Variants in GRM7 observed in about 807,000 individuals in gnomAD.
The protein encoded by GRM7 is glutamate metabotropic receptor 7, also known as metabotropic glutamate receptor 7.
Under a neutral mutation model 84.5 loss-of-function variants are expected in GRM7, and 35 were observed. The ratio of observed to expected loss-of-function variants is 0.41; its 90% confidence interval spans 0.32 to 0.55. The LOEUF (loss-of-function observed/expected upper bound fraction) is 0.55, where lower values mean the gene tolerates loss of function less well. Ranked by LOEUF, GRM7 falls within the 20% of genes least tolerant of loss-of-function variation. The pLI is 0.19. For missense variants in GRM7, 1,003 were observed against 1,194.6 expected, an observed-to-expected ratio of 0.84 and a Z score of 2.36; for synonymous variants, 487 against 455.1, an observed-to-expected ratio of 1.07 and a Z score of -0.89.
At chr3:7,738,472 T>A (rs1702577405) in intron 9 of GRM7, among the ~76,000 whole-genome samples, 1 of 152,188 alleles carries the variant, frequency 6.6e-6, no homozygotes. Flanking sequence ...CCAATTTTTT[T>A]AAACATAACC....
intron 8 of GRM7, among the ~76,000 whole-genome samples, chr3:7,632,857 G>A (rs146643237): frequency 2.5e-4 from 38 of 152,132 alleles, no homozygotes; most frequent in Non-Finnish European, 4.9e-4. Flanking sequence ...AAAGATTTCA[G>A]TGCATCTTTA....
chr3:7,722,889 A>C (rs1702000929), intron 9 of GRM7, among the ~76,000 whole-genome samples: 1 of 152,222 alleles, frequency 6.6e-6, no homozygotes, highest in Non-Finnish European at 1.5e-5. Context: ...TGACAGTATT[A>C]ATTCTTGGTG....
At chr3:7,573,703 G>T (rs1694821013) in intron 7 of GRM7, among the ~76,000 whole-genome samples, 3 of 152,138 alleles carry the variant, frequency 2.0e-5, no homozygotes, top group Admixed American at 6.5e-5. Flanking sequence ...CTTTTTCTCT[G>T]TTTCTGTCTG....
At chr3:7,116,946 T>C (rs1192180815) in intron 1 of GRM7, among the ~76,000 whole-genome samples, 1 of 152,180 alleles carries the variant, frequency 6.6e-6, no homozygotes, top group Non-Finnish European at 1.5e-5. Flanking sequence ...TGTATAAAAT[T>C]AGAGCTTAAA....
intron 1 of GRM7, among the ~76,000 whole-genome samples, chr3:6,960,223 C>A (rs939313008): frequency 3.3e-5 from 5 of 152,154 alleles, no homozygotes; most frequent in Admixed American, 2.6e-4. Context: ...TTCCCGACCT[C>A]TTTCCAGTGT....
At chr3:7,726,620 T>C (rs1702139794) in intron 9 of GRM7, among the ~76,000 whole-genome samples, 1 of 20,880 alleles carries the variant, frequency 4.8e-5, no homozygotes, top group Non-Finnish European at 1.0e-4. Context: ...CCTCTATATA[T>C]ATATATATAT....
chr3:7,662,203 A>G (rs538831339), intron 8 of GRM7, among the ~76,000 whole-genome samples: 37 of 152,374 alleles, frequency 2.4e-4, no homozygotes, highest in African/African-American at 8.4e-4. Context: ...AAAACAGAAA[A>G]GAATTTGCAG....
intron 2 of GRM7, among the ~76,000 whole-genome samples, chr3:7,265,986 T>C (rs1046804326): frequency 1.3e-5 from 2 of 152,142 alleles, no homozygotes; most frequent in African/African-American, 4.8e-5. Flanking sequence ...TGGTCAGTGC[T>C]GGGCACAGGC....
intron 4 of GRM7, among the ~76,000 whole-genome samples, chr3:7,390,358 G>A (rs1240296299): frequency 1.3e-5 from 2 of 152,020 alleles, no homozygotes; most frequent in Non-Finnish European, 1.5e-5. Flanking sequence ...TCTCACAGGG[G>A]TTCTCTGGAT....
chr3:6,911,781 A>C (rs1030736905), intron 1 of GRM7, among the ~76,000 whole-genome samples: 2 of 152,212 alleles, frequency 1.3e-5, no homozygotes, highest in African/African-American at 4.8e-5. Flanking sequence ...AGTTTTATTT[A>C]AGCGAAGAGT....
intron 1 of GRM7, among the ~76,000 whole-genome samples, chr3:7,085,556 G>C (rs770811681): frequency 3.3e-5 from 5 of 152,076 alleles, no homozygotes; most frequent in African/African-American, 4.8e-5. Context: ...AACTAAGAAG[G>C]AAGAGTTGGA....
At chr3:7,652,020 A>T (rs1698963419) in intron 8 of GRM7, among the ~76,000 whole-genome samples, 1 of 152,196 alleles carries the variant, frequency 6.6e-6, no homozygotes, top group African/African-American at 2.4e-5. Flanking sequence ...ATTTTGACCA[A>T]CATTTGGGGG....
chr3:7,032,089 C>T (rs1322766238), intron 1 of GRM7, among the ~76,000 whole-genome samples: 3 of 152,210 alleles, frequency 2.0e-5, no homozygotes, highest in Admixed American at 6.5e-5. Flanking sequence ...ACGTCAAAGA[C>T]ATCTCACATA....
chr3:7,503,583 G>C (rs1450098), intron 7 of GRM7, among the ~76,000 whole-genome samples: 86,493 of 151,892 alleles, frequency 0.57, 24,993 homozygotes, highest in East Asian at 0.74. Context: ...TAATCATTCA[G>C]TACAGAGTGG....
intron 1 of GRM7, among the ~76,000 whole-genome samples, chr3:7,133,464 A>G (rs1488712718): frequency 6.6e-6 from 1 of 152,192 alleles, no homozygotes; most frequent in Non-Finnish European, 1.5e-5. Context: ...CACAGAGCCT[A>G]CATTGCCCTG....
chr3:7,085,170 G>A (rs1002770797), intron 1 of GRM7, among the ~76,000 whole-genome samples: 3 of 152,052 alleles, frequency 2.0e-5, no homozygotes, highest in African/African-American at 7.2e-5. Flanking sequence ...GACCTTTTTG[G>A]AATTGGCTCA....
intron 7 of GRM7, among the ~76,000 whole-genome samples, chr3:7,567,695 C>G (rs1694373161): frequency 7.3e-6 from 1 of 136,582 alleles, no homozygotes; most frequent in African/African-American, 2.8e-5. Flanking sequence ...TTGCAGTGAG[C>G]CCAGATCATG....
chr3:7,454,936 G>A (rs1209713431), intron 6 of GRM7, among the ~76,000 whole-genome samples: 1 of 152,108 alleles, frequency 6.6e-6, no homozygotes, highest in African/African-American at 2.4e-5. Flanking sequence ...AAATACCATT[G>A]TTAAATTAAA....
At chr3:7,484,194 T>C (rs1699238049) in intron 7 of GRM7, among the ~76,000 whole-genome samples, 1 of 152,182 alleles carries the variant, frequency 6.6e-6, no homozygotes, top group Non-Finnish European at 1.5e-5. Context: ...GCAATCTGTG[T>C]CTCCAATTTC....
Sources: gnomAD v4.1 joint callset for allele counts (sites outside exome capture counted in the v4.1 genomes callset) on GRCh38, gnomAD v4.1.1 for gene constraint, MANE v1.5 for transcripts, NCBI Gene and HGNC (gene_info 2026-07-23, HGNC 2026-07-21) for gene names.